The following ALPK3 variants were observed in gnomAD, a reference collection of about 807,000 sequenced individuals.
ALPK3 encodes the protein alpha-protein kinase 3.
A neutral mutation model predicts 140.0 loss-of-function variants in ALPK3; 102 were observed. The ratio of observed to expected loss-of-function variants is 0.73; its 90% CI spans 0.62 to 0.86. The LOEUF (loss-of-function observed/expected upper bound fraction) is 0.86, where lower values mean the gene tolerates loss of function less well. ALPK3 is among the 40% of genes least tolerant of loss of function. The pLI, the probability that ALPK3 is intolerant of heterozygous loss-of-function variation, is 0.00. For missense variants in ALPK3, 2,254 were observed against 2,208.2 expected (o/e 1.02, Z -0.42); for synonymous variants, 938 against 898.5 (o/e 1.04, Z -0.79).
chr15:84,820,892 G>A (rs1963414526), intron 1 of ALPK3, among the ~76,000 whole-genome samples: 1 of 152,126 alleles, frequency 6.6e-6, no homozygotes, highest in Admixed American at 6.5e-5. Flanking sequence ...ACAAAGTGTT[G>A]GGATTATAGG....
intron 1 of ALPK3, among the ~76,000 whole-genome samples, chr15:84,822,021 G>C (rs1437823785): frequency 2.6e-5 from 4 of 152,124 alleles, no homozygotes; most frequent in Non-Finnish European, 2.9e-5. Context: ...AGTAGATCAG[G>C]GAGGGCCCTA....
chr15:84,838,585 C>T (rs1175229184), intron 3 of ALPK3, among the ~76,000 whole-genome samples: 2 of 150,066 alleles, frequency 1.3e-5, no homozygotes, highest in Non-Finnish European at 3.0e-5. Flanking sequence ...GCCACGGCCT[C>T]GTGTTCTCTC....
rs745830284 is a variant in ALPK3 at position 84,823,260 on chromosome 15, C to T, written c.144-70C>T. ...CAGATGGTGGCCGATTAATAGTTTG[C>T]GACTGTTGATTTCGCCTACTTCCTT... On this transcript the variant is annotated intron_variant, in intron 1 of 13. Coordinates refer to ENST00000258888, the MANE Select transcript of ALPK3 (RefSeq NM_020778.5). The T allele has an allele frequency of 1.3e-5, 21 of 1,559,030 alleles. No individual in the cohort carries two copies. In the East Asian group the frequency reaches 1.6e-4, roughly 12 times the overall value.
In ALPK3 at chr15:84,839,683, C is replaced by A; in HGVS notation, c.423-19C>A. On this transcript the variant is annotated intron_variant, in intron 4 of 13. Coordinates refer to ENST00000258888, the MANE Select transcript of ALPK3 (RefSeq NM_020778.5). ...CCTCCCAGGAGGGGAGAGGTGGCAC[C>A]TCCCGCTCCTACCTCTAGGTGTCGA... 6.3e-7 allele frequency: 1 copy of A among 1,575,316 alleles called. No individual in the cohort carries two copies. Among genetic ancestry groups the A allele is most frequent in the Non-Finnish European group, 8.6e-7 (1 of 1,159,570 alleles).
intron 5 of ALPK3, among the ~76,000 whole-genome samples, chr15:84,855,674 C>G (rs138354161): frequency 3.7e-4 from 57 of 152,306 alleles, no homozygotes; most frequent in African/African-American, 1.3e-3. Context: ...GTGGACAGAT[C>G]ACATGCCTTC....
chr15:84,862,532 G>T (rs1334404133), intron 9 of ALPK3, 103 bp from the exon 10 acceptor site: 7 of 1,402,940 alleles, frequency 5.0e-6, no homozygotes, highest in Non-Finnish European at 6.8e-6. Flanking sequence ...AGCCCAGCAG[G>T]TTGGCAGGGT....
At position 84,856,915 on chromosome 15, in the gene ALPK3, A is replaced by G. The variant is rs78778733; in HGVS notation, c.2177A>G (p.Gln726Arg). Residue 726 changes from glutamine to arginine, a missense_variant, in exon 6 of 14, where the codon CAA (glutamine) becomes CGA (arginine). Coordinates refer to ENST00000258888, the MANE Select transcript of ALPK3 (RefSeq NM_020778.5). ...ACAGCCATGGAAGGTCAGTCTGAGC[A>G]AGAGGTGGCAACCAGCCTCGGCCCA... The part of the protein sequence containing the change: ...APTAMEGQSE[Q>R]EVATSLGPPS... The G allele has an allele frequency of 3.3e-3, 5,330 of 1,614,022 alleles. 137 individuals are homozygous for G. The African/African-American group carries it at 0.058, about 18-fold the overall frequency.
chr15:84,858,266 A>G lies in ALPK3; in HGVS notation c.3528A>G (p.Gly1176=). Residue 1176 remains glycine (G), a synonymous_variant, in exon 6 of 14, where the codon GGA becomes GGG. Coordinates refer to ENST00000258888, the MANE Select transcript of ALPK3 (RefSeq NM_020778.5). ...TTCTCCCTAAGGTCAGAGCAGCAGG[A>G]GACGGGGAGGCAACCACACCTGAAG... The part of the protein sequence containing the change: ...KRFLPKVRAA[G]DGEATTPEER... The G allele has an allele frequency of 6.3e-7, 1 of 1,596,718 alleles. No individual in the cohort carries two copies. The highest frequency in any genetic ancestry group is 8.5e-7 in the Non-Finnish European group (1 of 1,171,730).
chr15:84,852,603 T>G (rs1173734040), intron 5 of ALPK3: 2 of 290,144 alleles, frequency 6.9e-6, no homozygotes, highest in African/African-American at 4.5e-5. Context: ...TTGCAGCCTC[T>G]TTGAAATGAC....
chr15:84,839,605 G>C (rs1422673571), intron 4 of ALPK3, 97 bp from the exon 5 acceptor site: 1 of 1,348,290 alleles, frequency 7.4e-7, no homozygotes, highest in African/African-American at 1.5e-5. Context: ...TGTAGGGAGG[G>C]GGAAGTGTGC....
chr15:84,836,829 T>C (rs1157977420), intron 3 of ALPK3, among the ~76,000 whole-genome samples: 1 of 151,890 alleles, frequency 6.6e-6, no homozygotes, highest in African/African-American at 2.4e-5. Context: ...GTTGTGAGTA[T>C]GGATAGAGAA....
At position 84,867,374 on chromosome 15, in the gene ALPK3, T is replaced by C; in HGVS notation, c.4772+9T>C. On this transcript the variant is annotated intron_variant, in intron 13 of 13. Coordinates refer to ENST00000258888, the MANE Select transcript of ALPK3 (RefSeq NM_020778.5). ...GCTACCAAACTCCGAGGGTGAGTGGTTCTTGGGGACAGAATGCCCTCTGGG... is the reference window on the plus strand; with the variant it reads ...GCTACCAAACTCCGAGGGTGAGTGGCTCTTGGGGACAGAATGCCCTCTGGG... The C allele has an allele frequency of 6.2e-7, 1 of 1,613,886 alleles. No homozygotes were observed. Among genetic ancestry groups the C allele is most frequent in the Non-Finnish European group, 8.5e-7 (1 of 1,179,900 alleles).
Position 84,859,871 on chromosome 15 carries a change from C to A in ALPK3, c.4061C>A (p.Ser1354Ter). 1.2e-6 allele frequency: 2 copies of A among 1,614,088 alleles called. No individual in the cohort carries two copies. Among genetic ancestry groups the A allele is most frequent in the Non-Finnish European group, 1.7e-6 (2 of 1,180,034 alleles). ...YRCTIHNEHG[S>*]ASTDFCLSPE... ...TGCACCATCCACAATGAGCACGGCT[C>A]GGCCTCCACCGACTTCTGCCTCAGC... is the stretch of plus-strand genomic sequence containing the variant. The change falls in exon 8 of 14, where the codon TCG becomes TAG. Residue 1354 changes from serine (S) to a stop codon, truncating the protein, a stop_gained. Coordinates refer to ENST00000258888, the MANE Select transcript of ALPK3 (RefSeq NM_020778.5). LOFTEE classifies it high-confidence loss of function.
Position 84,857,796 on chromosome 15 carries a change from A to T in ALPK3, c.3058A>T (p.Asn1020Tyr), listed in dbSNP as rs770111579. The T allele has an allele frequency of 3.7e-6, 6 of 1,611,578 alleles. No individual in the cohort carries two copies. The highest frequency in any genetic ancestry group is 5.1e-6 in the Non-Finnish European group (6 of 1,178,406). The change falls in exon 6 of 14, where the codon AAC becomes TAC. Residue 1020 changes from asparagine (N) to tyrosine (Y), a missense_variant. Physicochemically the swap from Asn to Tyr is moderately radical, Grantham distance 143. Around this residue, in one of 3 missense-constraint regions of ALPK3, gnomAD observed 2,088 missense variants for 2,022.9 expected, o/e 1.03. Transcript: ENST00000258888. Reference protein sequence around the residue: ...TSRRILERVENNHLVQSAQTL... With the variant: ...TSRRILERVEYNHLVQSAQTL... Reference sequence around the variant, plus strand: ...GAGGCGCATCCTGGAGCGTGTGGAGAACAACCACCTGGTGCAGAGTGCACA... The same window carrying T: ...GAGGCGCATCCTGGAGCGTGTGGAGTACAACCACCTGGTGCAGAGTGCACA...
Position 84,867,337 on chromosome 15 carries a change from G to A in ALPK3, c.4744G>A (p.Asp1582Asn), listed in dbSNP as rs774656964. Residue 1582 changes from aspartate to asparagine, a missense_variant, in exon 13 of 14, where the codon GAT becomes AAT. Physicochemically the swap from Asp to Asn is conservative, Grantham distance 23. Coordinates refer to ENST00000258888, the MANE Select transcript of ALPK3 (RefSeq NM_020778.5). ...DLAGVDWKMTDVQIATKLRGY... is the reference protein window; with the variant it reads ...DLAGVDWKMTNVQIATKLRGY... ...TTCAGGGGTTGACTGGAAGATGACT[G>A]ATGTGCAGATTGCTACCAAACTCCG... is the stretch of plus-strand genomic sequence containing the variant. 21 of 1,613,890 alleles carry A rather than the reference G, an allele frequency of 1.3e-5. No homozygotes were observed. Among genetic ancestry groups the A allele is most frequent in the Non-Finnish European group, 1.7e-5 (20 of 1,179,982 alleles).
rs751975468 is a variant in ALPK3, at chr15:84,827,551, A to C, written c.250A>C (p.Lys84Gln). ...ETQPLFETTL[K>Q]SRSVSEDSDV... ...CCAGCCGCTATTTGAGACCACGCTC[A>C]AGTCCCGGTCTGTGTCCGAGGACAG... Residue 84 changes from lysine (K) to glutamine (Q), a missense_variant, in exon 3 of 14, where the codon AAG becomes CAG. This residue lies in a region of ALPK3 where 2,088 missense variants were observed against 2,022.9 expected (regional missense o/e 1.03). Coordinates refer to ENST00000258888, the MANE Select transcript of ALPK3 (RefSeq NM_020778.5). 1 of 1,614,230 alleles carries C rather than the reference A, an allele frequency of 6.2e-7. No individual in the cohort carries two copies. Among genetic ancestry groups the C allele is most frequent in the African/African-American group, 1.3e-5 (1 of 75,076 alleles).
rs746323615 is a variant in ALPK3 at position 84,856,989 on chromosome 15, C to T, written c.2251C>T (p.Leu751=). Reference sequence around the variant, plus strand: ...ACCTACAGCGGGTCCTAGAGCTCCTCTGAATATTGAATGTTTTGTACAGAC... The same window carrying T: ...ACCTACAGCGGGTCCTAGAGCTCCTTTGAATATTGAATGTTTTGTACAGAC... ...LPPTAGPRAP[L]NIECFVQTPE... The change falls in exon 6 of 14, where the codon CTG becomes TTG. Residue 751 remains leucine (L), a synonymous_variant. Transcript: ENST00000258888. The T allele has an allele frequency of 2.8e-5, 45 of 1,614,000 alleles. No homozygotes were observed. The highest frequency in any genetic ancestry group is 3.5e-5 in the Non-Finnish European group (41 of 1,180,048).
chr15:84,866,687 C>T (rs1390485334), intron 12 of ALPK3, among the ~76,000 whole-genome samples: 1 of 152,254 alleles, frequency 6.6e-6, no homozygotes, highest in East Asian at 1.9e-4. Flanking sequence ...ATCTTGGCTT[C>T]TTGCTTGCTT....
At chr15:84,832,118 G>C (rs1300768703) in intron 3 of ALPK3, among the ~76,000 whole-genome samples, 1 of 152,050 alleles carries the variant, frequency 6.6e-6, no homozygotes, top group East Asian at 1.9e-4. Flanking sequence ...ATGGTTGAAG[G>C]GTTCCAAAGA....
Sources: allele counts gnomAD v4.1 joint callset (sites outside exome capture counted in the v4.1 genomes callset), GRCh38; gene constraint gnomAD v4.1.1; regional missense constraint gnomAD v4.1.1; transcripts MANE v1.5; gene names NCBI Gene and HGNC (gene_info 2026-07-23, HGNC 2026-07-21).